The following CSMD1 variants were observed in gnomAD, a reference collection of about 807,000 sequenced individuals.
The protein encoded by CSMD1 is CUB and sushi domain-containing protein 1.
Under a neutral mutation model 417.5 loss-of-function variants are expected in CSMD1, and 213 were observed. The observed-to-expected ratio is 0.51, with a 90% CI of 0.46 to 0.57. CSMD1 has a LOEUF of 0.57. CSMD1 is among the 20% of genes least tolerant of loss of function. The probability of loss-of-function intolerance (pLI) is 0.00; values close to 1 mark genes in which losing one functional copy is unlikely to be tolerated. For synonymous variants in CSMD1, 2,862 were observed against 1,736.8 expected (o/e 1.65, Z -16.11); for missense variants, 6,923 against 4,529.7 (o/e 1.53, Z -15.17).
At chr8:3,713,755 A>C (rs1217791254) in intron 6 of CSMD1, among the ~76,000 whole-genome samples, 1 of 152,236 alleles carries the variant, frequency 6.6e-6, no homozygotes, top group African/African-American at 2.4e-5. Flanking sequence ...TGCCATTGCA[A>C]ATCCTCACAA....
chr8:3,181,652 C>A (rs539049822), intron 36 of CSMD1, among the ~76,000 whole-genome samples: 3 of 152,064 alleles, frequency 2.0e-5, no homozygotes, highest in Non-Finnish European at 4.4e-5. Flanking sequence ...TGCTTTTGAC[C>A]CTGTATATAT....
intron 3 of CSMD1, among the ~76,000 whole-genome samples, chr8:4,402,800 CTTTTTTTTTTTTTTTTTTTTCTTTTTT>C (rs1161085826): frequency 2.2e-5 from 2 of 89,370 alleles, no homozygotes; most frequent in South Asian, 3.7e-4. Flanking sequence ...TCACTTTTTT[CTTTTTTTTTTTTTTTTTTTTCTTTTTT>C]TTTTTTTTTT....
At chr8:3,667,685 T>A (rs552622021) in intron 7 of CSMD1, among the ~76,000 whole-genome samples, 18 of 152,268 alleles carry the variant, frequency 1.2e-4, no homozygotes, top group African/African-American at 4.1e-4. Flanking sequence ...CCACGCATGG[T>A]GATGACTGAA....
chr8:3,632,209 T>C (rs773516225), intron 7 of CSMD1, among the ~76,000 whole-genome samples: 20 of 152,216 alleles, frequency 1.3e-4, no homozygotes, highest in African/African-American at 2.9e-4. Flanking sequence ...TTGGCAATAA[T>C]TTTAGAAAAT....
intron 1 of CSMD1, among the ~76,000 whole-genome samples, chr8:4,665,099 C>G (rs1326826237): frequency 1.3e-5 from 2 of 152,188 alleles, no homozygotes; most frequent in African/African-American, 2.4e-5. Flanking sequence ...CACCTTGCCA[C>G]CCAGCCCTGC....
intron 3 of CSMD1, among the ~76,000 whole-genome samples, chr8:4,178,975 T>A (rs982742841): frequency 6.6e-6 from 1 of 152,202 alleles, no homozygotes; most frequent in Non-Finnish European, 1.5e-5. Flanking sequence ...GTAGGAAGAA[T>A]CAATATCGTG....
intron 1 of CSMD1, among the ~76,000 whole-genome samples, chr8:4,833,186 T>A (rs1800254821): frequency 6.6e-6 from 1 of 152,216 alleles, no homozygotes; most frequent in African/African-American, 2.4e-5. Flanking sequence ...AAAAAAACTA[T>A]GTGAGACTGG....
At chr8:4,517,640 G>C (rs552779823) in intron 2 of CSMD1, among the ~76,000 whole-genome samples, 1 of 152,128 alleles carries the variant, frequency 6.6e-6, no homozygotes, top group African/African-American at 2.4e-5. Context: ...TAAGAGCCAC[G>C]AAGTTATTCA....
At chr8:3,037,480 T>A (rs185648494) in intron 50 of CSMD1, among the ~76,000 whole-genome samples, 1 of 152,146 alleles carries the variant, frequency 6.6e-6, no homozygotes, top group African/African-American at 2.4e-5. Flanking sequence ...TACCGCACTT[T>A]CTTTATCCAC....
intron 52 of CSMD1, among the ~76,000 whole-genome samples, chr8:3,013,480 G>C (rs971254646): frequency 6.6e-6 from 1 of 152,178 alleles, no homozygotes; most frequent in Non-Finnish European, 1.5e-5. Flanking sequence ...GCCTGGTGTG[G>C]TGCCTCACGC....
intron 1 of CSMD1, among the ~76,000 whole-genome samples, chr8:4,662,127 A>T (rs567866567): frequency 3.6e-4 from 55 of 152,216 alleles, no homozygotes; most frequent in Non-Finnish European, 7.1e-4. Context: ...TTTCTAATAG[A>T]TTGCAGTACA....
At chr8:4,905,316 G>A (rs1224955164) in intron 1 of CSMD1, among the ~76,000 whole-genome samples, 2 of 152,012 alleles carry the variant, frequency 1.3e-5, no homozygotes, top group Non-Finnish European at 2.9e-5. Context: ...AACTCGCTGT[G>A]TCAAGTAATA....
At chr8:3,589,957 A>C (rs575520348) in intron 8 of CSMD1, among the ~76,000 whole-genome samples, 2 of 35,070 alleles carry the variant, frequency 5.7e-5, no homozygotes, top group Admixed American at 5.1e-4. Context: ...AAAATATAGG[A>C]AATTTCTGGT....
At chr8:4,587,805 T>C (rs1434275595) in intron 2 of CSMD1, among the ~76,000 whole-genome samples, 1 of 152,184 alleles carries the variant, frequency 6.6e-6, no homozygotes. Flanking sequence ...GTGGGTACCA[T>C]TTTGTTAAAA....
chr8:3,986,471 G>A lies in CSMD1; in HGVS notation c.818+11432C>T, dbSNP rs78137405. 5.9e-4 allele frequency among the ~76,000 whole-genome samples: 90 copies of A among 152,174 alleles called. 3 individuals carry two copies. In the South Asian group the frequency reaches 6.9e-3, roughly 12 times the overall value. On this transcript the variant is annotated intron_variant, in intron 5 of 69. Coordinates refer to ENST00000635120, the MANE Select transcript of CSMD1 (RefSeq NM_033225.6). ...TCAGGGTATAGCCATGTGCAAAGCC[G>A]AGCAACTGACTTCCCTGGCTACCAA... is the stretch of plus-strand genomic sequence containing the variant.
rs1585020815 is a variant in CSMD1, at chr8:2,935,958, T to C, written c.*2627A>G. 6.6e-6 allele frequency: 1 copy of C among 152,344 alleles called. No individual in the cohort carries two copies. Among genetic ancestry groups the C allele is most frequent in the East Asian group, 1.9e-4 (1 of 5,176 alleles). The allele number at this position is 152,344 out of a possible 1,614,324, so 9.4% of individuals were successfully genotyped here. A position where few individuals can be genotyped will look rare whatever the true frequency, so the allele number is the denominator to read the frequency against. On this transcript the variant is annotated 3_prime_UTR_variant, in exon 70 of 70. Coordinates refer to ENST00000635120, the MANE Select transcript of CSMD1 (RefSeq NM_033225.6). ...AGTGTGTGGTCGCGTCCCTCACGCG[T>C]GTTCCCGTTGCCTTCAGGGAAGAGT...
intron 26 of CSMD1, among the ~76,000 whole-genome samples, chr8:3,264,258 C>T (rs73660628): frequency 0.032 from 4,882 of 152,248 alleles, 243 homozygotes; most frequent in African/African-American, 0.11. Flanking sequence ...TCTTTATTAA[C>T]AATAAGTACC....
intron 7 of CSMD1, among the ~76,000 whole-genome samples, chr8:3,697,372 A>T (rs917192177): frequency 8.5e-5 from 13 of 152,138 alleles, no homozygotes; most frequent in African/African-American, 4.8e-5. Flanking sequence ...CTTTTTCTGA[A>T]TTCCCTTTGA....
intron 5 of CSMD1, among the ~76,000 whole-genome samples, chr8:3,858,527 A>G (rs1563151187): frequency 2.0e-5 from 3 of 152,198 alleles, no homozygotes; most frequent in African/African-American, 7.2e-5. Context: ...ATTTTGAATA[A>G]AAGTGCATAG....
Sources: allele counts gnomAD v4.1 joint callset (sites outside exome capture counted in the v4.1 genomes callset), GRCh38; gene constraint gnomAD v4.1.1; transcripts MANE v1.5; gene names NCBI Gene and HGNC (gene_info 2026-07-23, HGNC 2026-07-21).